The following EIPR1 variants were observed in gnomAD, a reference collection of about 807,000 sequenced individuals.
EIPR1 encodes EARP and GARP complex-interacting protein 1.
Under a neutral mutation model 48.1 loss-of-function variants are expected in EIPR1, and 25 were observed. The ratio of observed to expected loss-of-function variants is 0.52; its 90% CI spans 0.38 to 0.73. EIPR1 has a LOEUF of 0.73. EIPR1 is among the 30% of genes least tolerant of loss of function. The pLI is 0.00. For synonymous variants in EIPR1, 204 were observed against 201.9 expected, an observed-to-expected ratio of 1.01 and a Z score of -0.09; for missense variants, 415 against 506.2, an observed-to-expected ratio of 0.82 and a Z score of 1.73.
intron 3 of EIPR1, 142 bp from the exon 4 acceptor site, chr2:3,257,597 G>A (rs1373852991): frequency 8.9e-6 from 9 of 1,006,234 alleles, no homozygotes; most frequent in African/African-American, 8.1e-5. Context: ...CAGCAAAGAC[G>A]GAGCAGGGAG....
intron 3 of EIPR1, among the ~76,000 whole-genome samples, chr2:3,307,880 T>C (rs759704141): frequency 1.3e-5 from 2 of 152,242 alleles, no homozygotes; most frequent in Non-Finnish European, 2.9e-5. Flanking sequence ...GTTAGCCATT[T>C]GGTTATCCCA....
chr2:3,263,802 C>A (rs1404155579), intron 3 of EIPR1, among the ~76,000 whole-genome samples: 1 of 152,170 alleles, frequency 6.6e-6, no homozygotes, highest in Non-Finnish European at 1.5e-5. Flanking sequence ...CCAGTATTTC[C>A]AGATGGCTCT....
Position 3,312,028 on chromosome 2 carries a change from C to T in EIPR1, c.259+25989G>A, listed in dbSNP as rs2103310272. Among the ~76,000 whole-genome samples the T allele has an allele frequency of 6.6e-6, 1 of 152,290 alleles. No homozygotes were observed. Among genetic ancestry groups the T allele is most frequent in the East Asian group, 1.9e-4 (1 of 5,178 alleles). On this transcript the variant is annotated intron_variant, in intron 3 of 8. Transcript: ENST00000382125. This position sits in a 1 kb window ranked among gnomAD's most constrained non-coding sequence, Gnocchi z 5.5. ...CTCTCGTGCTGACATACAAATGACA[C>T]CCTCCACCCTATAGCTTTCATTGAC... is the stretch of plus-strand genomic sequence containing the variant.
intron 4 of EIPR1, among the ~76,000 whole-genome samples, chr2:3,244,316 AG>A (rs1666729891): frequency 6.6e-6 from 1 of 152,230 alleles, no homozygotes; most frequent in Non-Finnish European, 1.5e-5. Flanking sequence ...TAAACATAGA[AG>A]AAAAGTCAAC....
intron 3 of EIPR1, among the ~76,000 whole-genome samples, chr2:3,327,562 A>C (rs1669735979): frequency 6.6e-6 from 1 of 152,232 alleles, no homozygotes; most frequent in Admixed American, 6.5e-5. Context: ...AAAGGTCACT[A>C]TAGTGAAGCG....
chr2:3,332,358 C>T (rs906568330), intron 3 of EIPR1, among the ~76,000 whole-genome samples: 2 of 152,206 alleles, frequency 1.3e-5, no homozygotes, highest in Non-Finnish European at 2.9e-5. Context: ...CCGGCAGCTC[C>T]GAAGGGAGAA....
At chr2:3,257,493 A>C in intron 3 of EIPR1, 38 bp from the exon 4 acceptor site, 1 of 1,608,888 alleles carries the variant, frequency 6.2e-7, no homozygotes, top group South Asian at 1.1e-5. Flanking sequence ...TCAACAGAGC[A>C]CGGTGTGCCC....
chr2:3,193,122 C>G (rs1479379159), intron 7 of EIPR1, among the ~76,000 whole-genome samples: 1 of 152,220 alleles, frequency 6.6e-6, no homozygotes, highest in Non-Finnish European at 1.5e-5. Flanking sequence ...CTCCAGGGCC[C>G]AGGTGGCAGA....
intron 1 of EIPR1, among the ~76,000 whole-genome samples, chr2:3,370,285 G>A (rs62119552): frequency 0.16 from 24,588 of 152,060 alleles, 2,217 homozygotes; most frequent in Non-Finnish European, 0.2. Context: ...ACAAAGATGG[G>A]GAAAAAACAG....
chr2:3,219,841 AT>A (rs1179524568), intron 4 of EIPR1, among the ~76,000 whole-genome samples: 1 of 152,142 alleles, frequency 6.6e-6, no homozygotes, highest in African/African-American at 2.4e-5. Flanking sequence ...GTCCATGCAC[AT>A]GATGGCCCCA....
rs535157575 is a variant in EIPR1, at chr2:3,216,118, T to C, written c.417-1870A>G. Among the ~76,000 whole-genome samples the C allele has an allele frequency of 3.3e-5, 5 of 152,244 alleles. No homozygotes were observed. In the East Asian group the frequency reaches 7.7e-4, roughly 23 times the overall value. ...GTAGCCCAGTTACTGCAGGTAAACA[T>C]AGGTAGAGTTCGGACAGCTTGATAG... On this transcript the variant is annotated intron_variant, in intron 4 of 8. Transcript: ENST00000382125.
chr2:3,304,851 G>A (rs1230898807), intron 3 of EIPR1, among the ~76,000 whole-genome samples: 48 of 121,168 alleles, frequency 4.0e-4, no homozygotes, highest in East Asian at 7.9e-4. Flanking sequence ...GTCCAGTTCA[G>A]CCCTCCACTG....
intron 3 of EIPR1, among the ~76,000 whole-genome samples, chr2:3,308,471 G>A (rs1669020309): frequency 6.6e-6 from 1 of 152,046 alleles, no homozygotes; most frequent in Non-Finnish European, 1.5e-5. Flanking sequence ...AACAGGAAAT[G>A]TCCAATTTGA....
chr2:3,194,316 A>AC, intron 6 of EIPR1, 150 bp from the exon 7 acceptor site: 11 of 900,638 alleles, frequency 1.2e-5, no homozygotes, highest in South Asian at 1.7e-5. Flanking sequence ...CCCTGCAGGA[A>AC]GAGGCTGGCG....
chr2:3,354,732 G>A, intron 1 of EIPR1, 99 bp from the exon 2 acceptor site: 2 of 1,194,276 alleles, frequency 1.7e-6, no homozygotes, highest in South Asian at 1.3e-5. Flanking sequence ...ATCTACTGTT[G>A]ATAAAGTATA....
At chr2:3,353,475 T>C (rs1480197757) in intron 2 of EIPR1, among the ~76,000 whole-genome samples, 8 of 152,226 alleles carry the variant, frequency 5.3e-5, no homozygotes, top group Non-Finnish European at 7.3e-5. Context: ...AATAAGGGAA[T>C]ACTATTCACT....
chr2:3,327,122 C>T (rs1223667244), intron 3 of EIPR1, among the ~76,000 whole-genome samples: 3 of 152,160 alleles, frequency 2.0e-5, no homozygotes, highest in African/African-American at 4.8e-5. Flanking sequence ...GGTGGGACCC[C>T]GGGGAGCTAG....
At chr2:3,214,492 G>A (rs1356001602) in intron 4 of EIPR1, 1 of 399,100 alleles carries the variant, frequency 2.5e-6, no homozygotes, top group East Asian at 4.7e-5. Flanking sequence ...CACCTGGTGT[G>A]ATGCTGCAGA....
At position 3,241,813 on chromosome 2, in the gene EIPR1, G is replaced by A. The variant is rs1440349925; in HGVS notation, c.416+15486C>T. Reference sequence around the variant, plus strand: ...TGAGGCATTCACAAGGGTCATCATCGTGGGATATGGTCCTAATTCGGCAGG... The same window carrying A: ...TGAGGCATTCACAAGGGTCATCATCATGGGATATGGTCCTAATTCGGCAGG... On this transcript the variant is annotated intron_variant, in intron 4 of 8. Transcript: ENST00000382125. 2.0e-5 allele frequency among the ~76,000 whole-genome samples: 3 copies of A among 152,278 alleles called. 1 individual carries two copies. Among genetic ancestry groups the A allele is most frequent in the South Asian group, 4.1e-4 (2 of 4,828 alleles).
Sources: allele counts gnomAD v4.1 joint callset (sites outside exome capture counted in the v4.1 genomes callset), GRCh38; gene constraint gnomAD v4.1.1; non-coding constraint Gnocchi (gnomAD v3.1); transcripts MANE v1.5; gene names NCBI Gene and HGNC (gene_info 2026-07-23, HGNC 2026-07-21).